Variants in LRRTM4 observed in about 807,000 individuals in gnomAD.
LRRTM4 encodes leucine rich repeat transmembrane neuronal 4, also known as leucine-rich repeat transmembrane neuronal protein 4.
A neutral mutation model predicts 47.6 loss-of-function variants in LRRTM4; 25 were observed. That is an observed-to-expected ratio of 0.53 (90% confidence interval 0.38 to 0.73). LRRTM4 has a LOEUF of 0.73. Among genes scored for constraint, LRRTM4 ranks in the 30% least tolerant of loss-of-function variants. The probability of loss-of-function intolerance (pLI) is 0.00; values close to 1 mark genes in which losing one functional copy is unlikely to be tolerated. For synonymous variants in LRRTM4, 311 were observed against 269.5 expected, an observed-to-expected ratio of 1.15 and a Z score of -1.51; for missense variants, 638 against 713.4, an observed-to-expected ratio of 0.89 and a Z score of 1.20.
intron 3 of LRRTM4, among the ~76,000 whole-genome samples, chr2:76,932,312 C>A (rs1302185253): frequency 1.3e-5 from 2 of 152,104 alleles, no homozygotes; most frequent in Admixed American, 1.3e-4. Flanking sequence ...GATCAAAGCA[C>A]CAAGTATGGA....
chr2:77,308,811 G>A (rs1167267170), intron 3 of LRRTM4, among the ~76,000 whole-genome samples: 1 of 145,748 alleles, frequency 6.9e-6, no homozygotes, highest in Non-Finnish European at 1.5e-5. Context: ...TTTGCTTTTG[G>A]TAGCAGCCTC....
At chr2:77,253,436 C>T (rs940403904) in intron 3 of LRRTM4, among the ~76,000 whole-genome samples, 1 of 152,072 alleles carries the variant, frequency 6.6e-6, no homozygotes, top group Non-Finnish European at 1.5e-5. Context: ...AAGAACTCTC[C>T]TAACCTCTGT....
chr2:76,873,125 A>G (rs1432918253), intron 3 of LRRTM4, among the ~76,000 whole-genome samples: 1 of 152,140 alleles, frequency 6.6e-6, no homozygotes, highest in Non-Finnish European at 1.5e-5. Context: ...CCAGCATACT[A>G]TACAGTAATT....
At chr2:77,516,669 T>C (rs1679217792) in intron 3 of LRRTM4, 1 of 978,946 alleles carries the variant, frequency 1.0e-6, no homozygotes, top group African/African-American at 1.7e-5. Context: ...TAGACTTTTA[T>C]AGAAAATCTT....
intron 3 of LRRTM4, among the ~76,000 whole-genome samples, chr2:76,805,866 C>T (rs76542972): frequency 0.03 from 4,572 of 152,198 alleles, 222 homozygotes; most frequent in African/African-American, 0.091. Context: ...AGTAGCCTTC[C>T]TCTTTCCCTT....
chr2:76,816,745 G>A (rs1300873713), intron 3 of LRRTM4, among the ~76,000 whole-genome samples: 2 of 137,242 alleles, frequency 1.5e-5, no homozygotes, highest in African/African-American at 5.3e-5. Context: ...AGCCTACCTT[G>A]TTTCCTCTTC....
intron 3 of LRRTM4, among the ~76,000 whole-genome samples, chr2:76,775,608 T>C (rs1025769766): frequency 1.3e-5 from 2 of 152,170 alleles, no homozygotes; most frequent in Non-Finnish European, 2.9e-5. Flanking sequence ...AGCTGGTGTT[T>C]ATCTTTTACC....
intron 3 of LRRTM4, among the ~76,000 whole-genome samples, chr2:76,926,252 C>T (rs1674586103): frequency 6.6e-6 from 1 of 152,020 alleles, no homozygotes; most frequent in South Asian, 2.1e-4. Context: ...AAAACATTTA[C>T]TTTTTAAACA....
chr2:77,183,636 G>A (rs534210080), intron 3 of LRRTM4, among the ~76,000 whole-genome samples: 1 of 152,168 alleles, frequency 6.6e-6, no homozygotes, highest in Non-Finnish European at 1.5e-5. Context: ...GCACACGTAT[G>A]TTTATTGTGG....
At chr2:77,331,131 C>G (rs1245020590) in intron 3 of LRRTM4, among the ~76,000 whole-genome samples, 1 of 152,114 alleles carries the variant, frequency 6.6e-6, no homozygotes, top group Non-Finnish European at 1.5e-5. Flanking sequence ...GAATCTAACT[C>G]AGGAGACAAT....
intron 3 of LRRTM4, among the ~76,000 whole-genome samples, chr2:77,453,245 G>A (rs1429108216): frequency 2.1e-5 from 3 of 144,002 alleles, no homozygotes; most frequent in African/African-American, 5.2e-5. Flanking sequence ...GCAGTGGAGC[G>A]ATCTCTGTTC....
At chr2:77,450,514 A>G (rs1168920655) in intron 3 of LRRTM4, among the ~76,000 whole-genome samples, 1 of 152,182 alleles carries the variant, frequency 6.6e-6, no homozygotes, top group Non-Finnish European at 1.5e-5. Context: ...TTAACTAAAT[A>G]CTTTTTGTTT....
intron 3 of LRRTM4, among the ~76,000 whole-genome samples, chr2:77,428,517 T>A (rs924022677): frequency 6.6e-6 from 1 of 152,218 alleles, no homozygotes; most frequent in Admixed American, 6.5e-5. Context: ...GAATCACTCA[T>A]TTAATGTGAG....
chr2:77,029,336 A>G (rs1021793621), intron 3 of LRRTM4, among the ~76,000 whole-genome samples: 10 of 151,988 alleles, frequency 6.6e-5, no homozygotes, highest in African/African-American at 2.4e-4. Context: ...CCGAGTCCCA[A>G]AACCTCAAAA....
intron 3 of LRRTM4, among the ~76,000 whole-genome samples, chr2:76,946,922 A>G (rs1430549719): frequency 1.3e-5 from 2 of 151,886 alleles, no homozygotes; most frequent in African/African-American, 2.4e-5. Context: ...CTTGTCATAC[A>G]CAGCTGGACA....
chr2:77,226,156 A>C lies in LRRTM4; in HGVS notation c.1551+292162T>G, dbSNP rs181205432. On this transcript the variant is annotated intron_variant, in intron 3 of 3. Transcript: ENST00000409884. ...TAGAAAACCCTAAAAATCATAAAAAACAAAATTGGAAAAACAATTACAATT... is the reference window on the plus strand; with the variant it reads ...TAGAAAACCCTAAAAATCATAAAAACCAAAATTGGAAAAACAATTACAATT... Among the ~76,000 whole-genome samples the C allele has an allele frequency of 3.5e-4, 53 of 151,984 alleles. 1 individual carries two copies. Among genetic ancestry groups the C allele is most frequent in the Admixed American group, 3.0e-3 (46 of 15,220 alleles).
intron 3 of LRRTM4, among the ~76,000 whole-genome samples, chr2:76,922,719 C>A (rs1049977429): frequency 8.5e-5 from 13 of 152,072 alleles, no homozygotes; most frequent in African/African-American, 2.9e-4. Flanking sequence ...GGTGCTACAA[C>A]TAATAATAAG....
At chr2:77,127,915 C>A (rs187515920) in intron 3 of LRRTM4, among the ~76,000 whole-genome samples, 8 of 152,086 alleles carry the variant, frequency 5.3e-5, no homozygotes, top group Admixed American at 4.6e-4. Flanking sequence ...GAGGCCAAGG[C>A]GGGCGGATCA....
At chr2:76,901,762 C>T (rs1336207762) in intron 3 of LRRTM4, among the ~76,000 whole-genome samples, 1 of 152,138 alleles carries the variant, frequency 6.6e-6, no homozygotes, top group Non-Finnish European at 1.5e-5. Flanking sequence ...GTGGGGGTTC[C>T]GAGGTCACCA....
Sources: gnomAD v4.1 joint callset for allele counts (sites outside exome capture counted in the v4.1 genomes callset) on GRCh38, gnomAD v4.1.1 for gene constraint, MANE v1.5 for transcripts, NCBI Gene and HGNC (gene_info 2026-07-23, HGNC 2026-07-21) for gene names.